BRI3BP: variants seen among roughly 807,000 people sequenced by gnomAD.
The protein encoded by BRI3BP is BRI3 binding protein, also known as BRI3-binding protein.
BRI3BP carries 7 observed loss-of-function variants against 15.8 expected under a neutral mutation model. That is an observed-to-expected ratio of 0.44 (90% CI 0.25 to 0.83). The LOEUF is 0.83. BRI3BP is among the 40% of genes least tolerant of loss of function. The pLI, the probability that BRI3BP is intolerant of heterozygous loss-of-function variation, is 0.20. For missense variants in BRI3BP, 320 were observed against 339.3 expected, an observed-to-expected ratio of 0.94 and a Z score of 0.45; for synonymous variants, 192 against 163.5, an observed-to-expected ratio of 1.17 and a Z score of -1.33.
chr12:125,000,404 C>T (rs1300886491), intron 1 of BRI3BP, among the ~76,000 whole-genome samples: 1 of 150,774 alleles, frequency 6.6e-6, no homozygotes, highest in Non-Finnish European at 1.5e-5. Context: ...AGCTCTGCCT[C>T]CCGGGTTCAC....
chr12:125,008,466 C>G (rs1955168264), intron 1 of BRI3BP, among the ~76,000 whole-genome samples: 1 of 151,966 alleles, frequency 6.6e-6, no homozygotes, highest in African/African-American at 2.4e-5. Context: ...GCGCCCACCA[C>G]CACGCATGGC....
At chr12:125,040,421 T>G in the BRI3BP span, among the ~76,000 whole-genome samples, 1 of 151,626 alleles carries the variant, frequency 6.6e-6, no homozygotes, top group Non-Finnish European at 1.5e-5. Context: ...CTCGGCTCAC[T>G]GCAACCTCCA....
the BRI3BP span, among the ~76,000 whole-genome samples, chr12:125,038,838 C>T: frequency 6.6e-6 from 1 of 151,912 alleles, no homozygotes; most frequent in Non-Finnish European, 1.5e-5. Flanking sequence ...GCCTGTAATC[C>T]CAGCACTTTG....
At chr12:125,013,494 A>C (rs1466340464) in intron 2 of BRI3BP, among the ~76,000 whole-genome samples, 2 of 152,226 alleles carry the variant, frequency 1.3e-5, no homozygotes, top group Non-Finnish European at 2.9e-5. Flanking sequence ...GGAACCATGC[A>C]TATCAGCTGC....
intron 1 of BRI3BP, among the ~76,000 whole-genome samples, chr12:125,006,479 C>T (rs892357455): frequency 6.6e-6 from 1 of 152,178 alleles, no homozygotes; most frequent in Non-Finnish European, 1.5e-5. Context: ...CTTAGCACTG[C>T]TAGGAGCTCC....
intron 2 of BRI3BP, among the ~76,000 whole-genome samples, chr12:125,024,085 G>T (rs1004839382): frequency 6.6e-6 from 1 of 152,152 alleles, no homozygotes; most frequent in Non-Finnish European, 1.5e-5. Context: ...CTGAGACTAG[G>T]TAATGCATAA....
intron 2 of BRI3BP, among the ~76,000 whole-genome samples, chr12:125,019,634 C>CTTTTTTTTTTTTTTTTTTTTTTTT (rs1565906073): frequency 4.4e-5 from 2 of 45,540 alleles, no homozygotes; most frequent in Admixed American, 2.7e-4. Flanking sequence ...TTAATTCCAC[C>CTTTTTTTTTTTTTTTTTTTTTTTT]CTTTTTTTTT....
intron 1 of BRI3BP, among the ~76,000 whole-genome samples, chr12:125,005,641 T>C (rs1955135633): frequency 6.6e-6 from 1 of 152,006 alleles, no homozygotes; most frequent in African/African-American, 2.4e-5. Context: ...CATGGTGCCT[T>C]ACGCCTGTAA....
chr12:125,021,886 C>T (rs1362789178), intron 2 of BRI3BP, among the ~76,000 whole-genome samples: 2 of 152,048 alleles, frequency 1.3e-5, no homozygotes, highest in Non-Finnish European at 2.9e-5. Flanking sequence ...TGGGTGAGAA[C>T]ACAGAACCAA....
the BRI3BP span, among the ~76,000 whole-genome samples, chr12:125,050,680 A>G: frequency 2.4e-4 from 36 of 152,358 alleles, no homozygotes; most frequent in East Asian, 6.6e-3. Context: ...AGGCACATAA[A>G]GGGCTTCATT....
chr12:125,021,365 G>A (rs1955297160), intron 2 of BRI3BP, among the ~76,000 whole-genome samples: 1 of 152,212 alleles, frequency 6.6e-6, no homozygotes, highest in Non-Finnish European at 1.5e-5. Flanking sequence ...TCTCAGGCCT[G>A]CTCTGGATTT....
the BRI3BP span, among the ~76,000 whole-genome samples, chr12:125,040,437 T>C: frequency 6.7e-5 from 10 of 150,124 alleles, no homozygotes; most frequent in Admixed American, 6.6e-4. Context: ...CTCCAACTCC[T>C]GGGTTCAAGC....
rs1167136182 is a variant in BRI3BP, at chr12:125,012,649, G to A, written c.316+13G>A. 3 of 1,567,012 alleles carry A rather than the reference G, an allele frequency of 1.9e-6. No homozygotes were observed. Among genetic ancestry groups the A allele is most frequent in the Middle Eastern group, 1.7e-4 (1 of 5,976 alleles). ...CTTGGACTTGACGGTAGGTGTAGGG[G>A]TGGCATTCACGTAAGGTGTCATTCT... On this transcript the variant is annotated intron_variant, in intron 2 of 2. Transcript: ENST00000341446.
intron 1 of BRI3BP, among the ~76,000 whole-genome samples, chr12:125,011,093 TAAA>T (rs35697952): frequency 7.5e-5 from 7 of 93,438 alleles, no homozygotes; most frequent in Non-Finnish European, 6.2e-5. Context: ...GACCCTGTCT[TAAA>T]AAAAAAAAAA....
Position 124,993,655 on chromosome 12 carries a change from CA to C in BRI3BP, c.-135del, listed in dbSNP as rs1051001843. ...GCGCGGGGCGGGGCAGGTGGCGCAG[CA>C]GCGGCGGCGGCGGCTGTGGGTAAAG... On this transcript the variant is annotated 5_prime_UTR_variant, in exon 1 of 3. Coordinates refer to ENST00000341446, the MANE Select transcript of BRI3BP (RefSeq NM_080626.6). 2.3e-5 allele frequency: 8 copies of C among 354,988 alleles called. No individual in the cohort carries two copies. Among genetic ancestry groups the C allele is most frequent in the Non-Finnish European group, 2.7e-5 (7 of 256,316 alleles). 22.0% of individuals were successfully genotyped at this position (354,988 alleles called of 1,614,324 possible).
At chr12:125,012,690 A>C in intron 2 of BRI3BP, 54 bp downstream of exon 2, 9 of 1,390,568 alleles carry the variant, frequency 6.5e-6, no homozygotes, top group Non-Finnish European at 8.2e-6. Flanking sequence ...GGTGGTTCTC[A>C]TAGTGTGGAA....
chr12:125,030,507 C>CT lies in BRI3BP; in HGVS notation c.*5078dup, dbSNP rs1271684096. The CT allele has an allele frequency of 1.3e-5, 2 of 152,170 alleles. No individual in the cohort carries two copies. Among genetic ancestry groups the CT allele is most frequent in the East Asian group, 3.8e-4 (2 of 5,198 alleles). 9.4% of individuals were successfully genotyped at this position (152,170 alleles called of 1,614,324 possible). ...ATTTTATTCAGCATATTAAATTATT[C>CT]TGTGTTTTGCTTTTCCTTGATATGT... On this transcript the variant is annotated 3_prime_UTR_variant, in exon 3 of 3. Coordinates refer to ENST00000341446, the MANE Select transcript of BRI3BP (RefSeq NM_080626.6).
chr12:125,005,342 G>A (rs1955132311), intron 1 of BRI3BP, among the ~76,000 whole-genome samples: 1 of 152,082 alleles, frequency 6.6e-6, no homozygotes, highest in Non-Finnish European at 1.5e-5. Context: ...CTTTTTCTTG[G>A]ATGCCATCTT....
At chr12:125,004,236 G>A (rs939374539) in intron 1 of BRI3BP, among the ~76,000 whole-genome samples, 2 of 152,038 alleles carry the variant, frequency 1.3e-5, no homozygotes, top group East Asian at 1.9e-4. Flanking sequence ...GCAGTGGCAC[G>A]AACACAGCTC....
Sources: gnomAD v4.1 joint callset for allele counts (sites outside exome capture counted in the v4.1 genomes callset) on GRCh38, gnomAD v4.1.1 for gene constraint, MANE v1.5 for transcripts, NCBI Gene and HGNC (gene_info 2026-07-23, HGNC 2026-07-21) for gene names.